Variants in F2R observed in about 807,000 individuals in gnomAD.
F2R encodes the protein proteinase-activated receptor 1.
Under a neutral mutation model 18.3 loss-of-function variants are expected in F2R, and 12 were observed. That is an observed-to-expected ratio of 0.66 (90% CI 0.42 to 1.06). The LOEUF (loss-of-function observed/expected upper bound fraction) is 1.06, where lower values mean the gene tolerates loss of function less well. Ranked by LOEUF, F2R falls within the 50% of genes least tolerant of loss-of-function variation. The pLI is 0.00. For missense variants in F2R, 438 were observed against 530.8 expected, an observed-to-expected ratio of 0.83 and a Z score of 1.72; for synonymous variants, 210 against 219.9, an observed-to-expected ratio of 0.95 and a Z score of 0.40.
intron 1 of F2R, among the ~76,000 whole-genome samples, chr5:76,731,632 C>T (rs938408272): frequency 2.6e-5 from 4 of 151,846 alleles, no homozygotes; most frequent in East Asian, 3.9e-4. Flanking sequence ...CAGGTTCAAG[C>T]GATTCTTCTG....
At chr5:76,725,081 G>A (rs938586100) in intron 1 of F2R, among the ~76,000 whole-genome samples, 6 of 152,296 alleles carry the variant, frequency 3.9e-5, no homozygotes, top group Admixed American at 2.0e-4. Context: ...GAAAAAGCAT[G>A]AGCCCCGAAG....
At chr5:76,728,050 G>A (rs1212472809) in intron 1 of F2R, among the ~76,000 whole-genome samples, 1 of 151,632 alleles carries the variant, frequency 6.6e-6, no homozygotes, top group Admixed American at 6.6e-5. Flanking sequence ...ACCACACCTG[G>A]CAGCCCCCTT....
intron 1 of F2R, chr5:76,716,730 CA>C: frequency 6.0e-6 from 4 of 672,206 alleles, no homozygotes; most frequent in South Asian, 1.6e-5. Context: ...GGACCACCCC[CA>C]AAAAGAAAAG....
chr5:76,722,941 ACT>A (rs1303641553), intron 1 of F2R, among the ~76,000 whole-genome samples: 16 of 122,690 alleles, frequency 1.3e-4, no homozygotes, highest in African/African-American at 5.6e-4. Context: ...ACAGAGTGAG[ACT>A]CTGTATCAAA....
In F2R at chr5:76,735,454, A is replaced by G. The variant is rs1748765836; in HGVS notation, c.*1951A>G. The G allele has an allele frequency of 6.6e-6, 1 of 152,252 alleles. No individual in the cohort carries two copies. The highest frequency in any genetic ancestry group is 1.5e-5 in the Non-Finnish European group (1 of 68,058). The allele number at this position is 152,252 out of a possible 1,614,324, so 9.4% of individuals were successfully genotyped here. A position where few individuals can be genotyped will look rare whatever the true frequency, so the allele number is the denominator to read the frequency against. The stretch of plus-strand genomic sequence containing the variant: ...GCGCCACTGTGCTCCAGCCTGGGCA[A>G]CAGAGCAAGACTCCATCTCAAAAAA... On this transcript the variant is annotated 3_prime_UTR_variant, in exon 2 of 2. Transcript: ENST00000319211.
chr5:76,718,041 G>T lies in F2R; in HGVS notation c.88+1646G>T, dbSNP rs558138250. 2.0e-5 allele frequency among the ~76,000 whole-genome samples: 3 copies of T among 152,280 alleles called. No individual in the cohort carries two copies. In the South Asian group the frequency reaches 6.2e-4, roughly 32 times the overall value. On this transcript the variant is annotated intron_variant, in intron 1 of 1. Coordinates refer to ENST00000319211, the MANE Select transcript of F2R (RefSeq NM_001992.5). ...GAAAGAAGAAAGGAGTATGATAGAG[G>T]AAAAGGAGCGCTTGCTAAGTGCCAT... is the stretch of plus-strand genomic sequence containing the variant.
chr5:76,728,177 T>G (rs1580892902), intron 1 of F2R, among the ~76,000 whole-genome samples: 3 of 152,334 alleles, frequency 2.0e-5, no homozygotes, highest in Admixed American at 2.0e-4. Flanking sequence ...CCTCAAATAC[T>G]TATCATTTTT....
chr5:76,732,087 GA>G (rs1330579465), intron 1 of F2R, among the ~76,000 whole-genome samples: 5 of 152,082 alleles, frequency 3.3e-5, no homozygotes, highest in Non-Finnish European at 5.9e-5. Context: ...TTGTCCCTTT[GA>G]GGGGCAGAGT....
chr5:76,732,440 T>C lies in F2R; in HGVS notation c.215T>C (p.Val72Ala). Residue 72 changes from valine to alanine, a missense_variant, in exon 2 of 2, where the codon GTC becomes GCC. Coordinates refer to ENST00000319211, the MANE Select transcript of F2R (RefSeq NM_001992.5). ...NESGLTEYRL[V>A]SINKSSPLQK... ...AGTGGGTTAACTGAATACAGATTAG[T>C]CTCCATCAATAAAAGCAGTCCTCTT... 1 of 1,614,086 alleles carries C rather than the reference T, an allele frequency of 6.2e-7. No homozygotes were observed. The highest frequency in any genetic ancestry group is 2.2e-5 in the East Asian group (1 of 44,882).
intron 1 of F2R, among the ~76,000 whole-genome samples, chr5:76,728,226 G>A (rs1301337115): frequency 6.6e-6 from 1 of 151,958 alleles, no homozygotes; most frequent in African/African-American, 2.4e-5. Flanking sequence ...CTTAGCAATT[G>A]TCAAGTATAC....
chr5:76,724,123 G>A (rs919611732), intron 1 of F2R, among the ~76,000 whole-genome samples: 1 of 152,120 alleles, frequency 6.6e-6, no homozygotes, highest in Non-Finnish European at 1.5e-5. Context: ...CTGGAGTTCA[G>A]TAGCACAATC....
Position 76,733,421 on chromosome 5 carries a change from G to A in F2R, c.1196G>A (p.Ser399Asn), listed in dbSNP as rs746631047. 6 of 1,614,062 alleles carry A rather than the reference G, an allele frequency of 3.7e-6. No individual in the cohort carries two copies. The Admixed American group carries it at 6.7e-5, about 18-fold the overall frequency. The change falls in exon 2 of 2, where the codon AGC becomes AAC. Residue 399 changes from serine to asparagine, a missense_variant. By Grantham distance (46) the Ser-to-Asn change is conservative. Coordinates refer to ENST00000319211, the MANE Select transcript of F2R (RefSeq NM_001992.5). Reference protein sequence around the residue: ...KESSDPSSYNSSGQLMASKMD... With the variant: ...KESSDPSSYNNSGQLMASKMD... ...AGTTCCGATCCCAGCAGTTATAACA[G>A]CAGTGGGCAGTTGATGGCAAGTAAA...
chr5:76,732,796 T>C lies in F2R; in HGVS notation c.571T>C (p.Leu191=). Reference sequence around the variant, plus strand: ...TTACTGTAACATGTACGCCTCTATCTTGCTCATGACAGTCATAAGCATTGA... The same window carrying C: ...TTACTGTAACATGTACGCCTCTATCCTGCTCATGACAGTCATAAGCATTGA... ...AFYCNMYASI[L]LMTVISIDRF... The change falls in exon 2 of 2, where the codon TTG becomes CTG. Residue 191 remains leucine (L), a synonymous_variant. Coordinates refer to ENST00000319211, the MANE Select transcript of F2R (RefSeq NM_001992.5). The C allele has an allele frequency of 1.2e-6, 2 of 1,614,176 alleles. No homozygotes were observed. Among genetic ancestry groups the C allele is most frequent in the Non-Finnish European group, 1.7e-6 (2 of 1,180,042 alleles).
chr5:76,725,641 T>C (rs1416962404), intron 1 of F2R, among the ~76,000 whole-genome samples: 1 of 152,198 alleles, frequency 6.6e-6, no homozygotes, highest in Non-Finnish European at 1.5e-5. Context: ...TTTCTTTTTT[T>C]TTCCGACATT....
chr5:76,734,475 G>A lies in F2R; in HGVS notation c.*972G>A, dbSNP rs949056803. On this transcript the variant is annotated 3_prime_UTR_variant, in exon 2 of 2. Coordinates refer to ENST00000319211, the MANE Select transcript of F2R (RefSeq NM_001992.5). ...TGGCAAAGCAGAATGTGATATCCTA[G>A]GAGGTAATGACCATGAAAGACTTCT... 1 of 152,164 alleles carries A rather than the reference G, an allele frequency of 6.6e-6. No homozygotes were observed. The highest frequency in any genetic ancestry group is 1.5e-5 in the Non-Finnish European group (1 of 67,924). The allele number at this position is 152,164 out of a possible 1,614,324, so 9.4% of individuals were successfully genotyped here. A position where few individuals can be genotyped will look rare whatever the true frequency, so the allele number is the denominator to read the frequency against.
rs1192900487 is a variant in F2R, at chr5:76,735,182, TA to T, written c.*1683del. The stretch of plus-strand genomic sequence containing the variant: ...GAAAGTTGCAAGGCAAATGTTTATT[TA>T]AAAGAGCAGGCCAGGCGCGGTGGCT... On this transcript the variant is annotated 3_prime_UTR_variant, in exon 2 of 2. Coordinates refer to ENST00000319211, the MANE Select transcript of F2R (RefSeq NM_001992.5). 6.6e-6 allele frequency: 1 copy of T among 152,242 alleles called. No homozygotes were observed. Among genetic ancestry groups the T allele is most frequent in the Admixed American group, 6.5e-5 (1 of 15,276 alleles). The allele number at this position is 152,242 out of a possible 1,614,324, so 9.4% of individuals were successfully genotyped here.
chr5:76,729,192 A>G (rs1439863049), intron 1 of F2R, among the ~76,000 whole-genome samples: 1 of 152,188 alleles, frequency 6.6e-6, no homozygotes, highest in Non-Finnish European at 1.5e-5. Context: ...CTTTTTGATA[A>G]TATCCATTCT....
intron 1 of F2R, among the ~76,000 whole-genome samples, chr5:76,719,774 T>C (rs1007767531): frequency 3.8e-4 from 58 of 152,160 alleles, no homozygotes; most frequent in African/African-American, 1.4e-3. Context: ...TTCATCAAAA[T>C]ATAGAAGCAA....
chr5:76,725,368 G>A (rs1391892698), intron 1 of F2R, among the ~76,000 whole-genome samples: 4 of 152,060 alleles, frequency 2.6e-5, no homozygotes, highest in African/African-American at 9.7e-5. Flanking sequence ...TTAGCAAATC[G>A]TATGAGAACT....
Sources: allele counts gnomAD v4.1 joint callset (sites outside exome capture counted in the v4.1 genomes callset), GRCh38; gene constraint gnomAD v4.1.1; transcripts MANE v1.5; gene names NCBI Gene and HGNC (gene_info 2026-07-23, HGNC 2026-07-21).